Variants in CFAP299 observed in about 807,000 individuals in gnomAD.
CFAP299 encodes cilia- and flagella-associated protein 299.
Under a neutral mutation model 27.0 loss-of-function variants are expected in CFAP299, and 21 were observed. The ratio of observed to expected loss-of-function variants is 0.78; its 90% CI spans 0.55 to 1.12. The LOEUF (loss-of-function observed/expected upper bound fraction) is 1.12, where lower values mean the gene tolerates loss of function less well. CFAP299 is among the 50% of genes most tolerant of loss of function. The pLI, the probability that CFAP299 is intolerant of heterozygous loss-of-function variation, is 0.00. For missense variants in CFAP299, 310 were observed against 276.6 expected (o/e 1.12, Z -0.86); for synonymous variants, 104 against 98.1 (o/e 1.06, Z -0.36).
At chr4:80,331,863 G>C (rs974062561), upstream of CFAP299, among the ~76,000 whole-genome samples, 18 of 152,168 alleles carry the variant, frequency 1.2e-4, no homozygotes, top group Admixed American at 1.0e-3. Flanking sequence ...GTGTGGGTGA[G>C]AGCTCCAAGT....
intron 3 of CFAP299, among the ~76,000 whole-genome samples, chr4:80,647,820 T>C (rs1387107224): frequency 6.6e-6 from 1 of 152,206 alleles, no homozygotes; most frequent in Non-Finnish European, 1.5e-5. Context: ...ATGCCTGTAC[T>C]CCCAGCACTT....
intron 3 of CFAP299, among the ~76,000 whole-genome samples, chr4:80,667,453 G>A (rs1741198725): frequency 6.6e-6 from 1 of 152,050 alleles, no homozygotes; most frequent in South Asian, 2.1e-4. Flanking sequence ...ATCAAACTGT[G>A]TGTTGTATTC....
chr4:80,375,514 A>G (rs1724361822), intron 2 of CFAP299, among the ~76,000 whole-genome samples: 1 of 152,202 alleles, frequency 6.6e-6, no homozygotes, highest in African/African-American at 2.4e-5. Flanking sequence ...ACTCATGGTG[A>G]GTGATCCAAT....
At chr4:80,754,594 A>G (rs1004128444) in intron 3 of CFAP299, among the ~76,000 whole-genome samples, 33 of 151,878 alleles carry the variant, frequency 2.2e-4, no homozygotes, top group Middle Eastern at 3.4e-3. Context: ...ACTCCAATAG[A>G]TCTGCACATT....
chr4:80,777,018 T>C (rs973257387), intron 3 of CFAP299, among the ~76,000 whole-genome samples: 1 of 152,212 alleles, frequency 6.6e-6, no homozygotes, highest in East Asian at 1.9e-4. Context: ...TGATGACTGG[T>C]TGCTCTACTA....
chr4:80,898,917 A>G (rs1406415871), intron 4 of CFAP299, among the ~76,000 whole-genome samples: 2 of 152,242 alleles, frequency 1.3e-5, no homozygotes, highest in African/African-American at 4.8e-5. Context: ...CTAAAGAGGT[A>G]AAATTTAGGC....
chr4:80,376,114 A>G (rs997162708), intron 2 of CFAP299, among the ~76,000 whole-genome samples: 2 of 152,186 alleles, frequency 1.3e-5, no homozygotes, highest in Admixed American at 1.3e-4. Context: ...AACCAGCCAT[A>G]TGATTTCTGT....
chr4:80,550,344 C>T (rs188707013), intron 2 of CFAP299, among the ~76,000 whole-genome samples: 10 of 152,052 alleles, frequency 6.6e-5, no homozygotes, highest in Middle Eastern at 3.4e-3. Context: ...CAGGTTATCT[C>T]GTTTTATTGC....
chr4:80,370,954 C>A (rs1426345159), intron 2 of CFAP299, among the ~76,000 whole-genome samples: 2 of 152,246 alleles, frequency 1.3e-5, no homozygotes, highest in Admixed American at 6.5e-5. Context: ...TTCCTCACTG[C>A]CCTAGAAGAG....
intron 5 of CFAP299, among the ~76,000 whole-genome samples, chr4:80,946,068 G>C (rs1414265942): frequency 6.7e-6 from 1 of 149,670 alleles, no homozygotes; most frequent in Non-Finnish European, 1.5e-5. Flanking sequence ...CAGGAGAATG[G>C]CTTGAACCTG....
At chr4:80,859,549 T>C (rs1328353738) in intron 3 of CFAP299, among the ~76,000 whole-genome samples, 1 of 152,180 alleles carries the variant, frequency 6.6e-6, no homozygotes, top group East Asian at 1.9e-4. Context: ...CAGCTGGTAC[T>C]GGTTGTTCCT....
intron 2 of CFAP299, among the ~76,000 whole-genome samples, chr4:80,427,590 G>C (rs1727589320): frequency 6.6e-6 from 1 of 152,090 alleles, no homozygotes; most frequent in Non-Finnish European, 1.5e-5. Flanking sequence ...TCTGTAGAAA[G>C]GGCTCATTGT....
At chr4:80,424,435 C>T (rs1225628659) in intron 2 of CFAP299, among the ~76,000 whole-genome samples, 1 of 152,164 alleles carries the variant, frequency 6.6e-6, no homozygotes, top group African/African-American at 2.4e-5. Context: ...CAGTAAAACA[C>T]AGTGTCATCT....
intron 4 of CFAP299, among the ~76,000 whole-genome samples, chr4:80,923,656 A>G (rs1045772900): frequency 6.6e-6 from 1 of 152,086 alleles, no homozygotes. Flanking sequence ...CTAGTATTTA[A>G]TTAACAAATT....
intron 4 of CFAP299, chr4:80,871,964 T>A (rs1306767789): frequency 1.4e-5 from 2 of 138,730 alleles, no homozygotes; most frequent in Admixed American, 6.9e-5. Flanking sequence ...TGCATGCTTT[T>A]TTTTTTTTTT....
intron 3 of CFAP299, among the ~76,000 whole-genome samples, chr4:80,866,516 C>T (rs1247297290): frequency 6.6e-6 from 1 of 152,052 alleles, no homozygotes; most frequent in Non-Finnish European, 1.5e-5. Flanking sequence ...AAGCAGGATT[C>T]TGTTGTTTTG....
chr4:80,390,776 T>TGTATATATACAC (rs1725380434), intron 2 of CFAP299, among the ~76,000 whole-genome samples: 2 of 124,258 alleles, frequency 1.6e-5, no homozygotes, highest in African/African-American at 2.9e-5. Context: ...TATGTATATA[T>TGTATATATACAC]ACATATACAC....
chr4:80,725,111 ATTTTTTTTTTT>A (rs70956062), intron 3 of CFAP299, among the ~76,000 whole-genome samples: 7 of 88,514 alleles, frequency 7.9e-5, no homozygotes, highest in African/African-American at 3.1e-4. Context: ...TGCCTGGCCA[ATTTTTTTTTTT>A]TTTTTTTTTT....
At chr4:80,793,015 A>G (rs770014734) in intron 3 of CFAP299, among the ~76,000 whole-genome samples, 9 of 152,188 alleles carry the variant, frequency 5.9e-5, no homozygotes, top group Middle Eastern at 3.4e-3. Flanking sequence ...TCATTTTCAT[A>G]TGCTAAATAA....
Sources: gnomAD v4.1 joint callset for allele counts (sites outside exome capture counted in the v4.1 genomes callset) on GRCh38, gnomAD v4.1.1 for gene constraint, MANE v1.5 for transcripts, NCBI Gene and HGNC (gene_info 2026-07-23, HGNC 2026-07-21) for gene names.